CYP3A43: variants seen among roughly 807,000 people sequenced by gnomAD.
CYP3A43 encodes cytochrome P450 3A43.
A neutral mutation model predicts 58.0 loss-of-function variants in CYP3A43; 45 were observed. That is an observed-to-expected ratio of 0.78 (90% CI 0.61 to 0.99). The LOEUF (loss-of-function observed/expected upper bound fraction) is 0.99, where lower values mean the gene tolerates loss of function less well. CYP3A43 is among the 50% of genes least tolerant of loss of function. The pLI, the probability that CYP3A43 is intolerant of heterozygous loss-of-function variation, is 0.00. For missense variants in CYP3A43, 593 were observed against 591.9 expected (o/e 1.00, Z -0.02); for synonymous variants, 191 against 201.4 (o/e 0.95, Z 0.44).
At chr7:99,830,911 C>T (rs888015224) in intron 1 of CYP3A43, among the ~76,000 whole-genome samples, 1 of 152,152 alleles carries the variant, frequency 6.6e-6, no homozygotes, top group Non-Finnish European at 1.5e-5. Flanking sequence ...TACACAGATC[C>T]GTTGAAGAAG....
At chr7:99,849,458 G>C in intron 6 of CYP3A43, 88 bp from the exon 7 acceptor site, 5 of 1,456,632 alleles carry the variant, frequency 3.4e-6, no homozygotes, top group Non-Finnish European at 4.6e-6. Flanking sequence ...CACCTGTCTT[G>C]CTCTGGCATA....
intron 7 of CYP3A43, among the ~76,000 whole-genome samples, chr7:99,854,555 C>A (rs1445479074): frequency 2.0e-5 from 3 of 152,114 alleles, no homozygotes; most frequent in Non-Finnish European, 4.4e-5. Context: ...GCTTTTAAAT[C>A]TGTATTTCAT....
intron 11 of CYP3A43, among the ~76,000 whole-genome samples, chr7:99,862,287 A>G (rs891261890): frequency 6.6e-6 from 1 of 152,168 alleles, no homozygotes; most frequent in South Asian, 2.1e-4. Flanking sequence ...TGAATTTAGC[A>G]CCACGTTTAG....
Position 99,863,568 on chromosome 7 carries a change from C to A in CYP3A43, c.1285C>A (p.Leu429Ile). The A allele has an allele frequency of 6.2e-7, 1 of 1,612,900 alleles. No individual in the cohort carries two copies. ...FSKKNKDSID[L>I]YRYIPFGAGP... is the part of the protein sequence containing the mutation. The stretch of plus-strand genomic sequence containing the variant: ...TAAGAAGAACAAGGACAGCATAGAT[C>A]TTTACAGATACATACCTTTTGGAGC... The change falls in exon 12 of 13, where the codon CTT (leucine) becomes ATT (isoleucine). Residue 429 changes from leucine (L) to isoleucine (I), a missense_variant. Transcript: ENST00000354829.
intron 3 of CYP3A43, among the ~76,000 whole-genome samples, chr7:99,843,214 AC>A (rs1817409051): frequency 1.3e-5 from 2 of 151,828 alleles, no homozygotes; most frequent in Non-Finnish European, 2.9e-5. Flanking sequence ...CTCACTACCT[AC>A]ACACTCTCCT....
At position 99,855,593 on chromosome 7, in the gene CYP3A43, C is replaced by G; in HGVS notation, c.673C>G (p.Leu225Val). 6.2e-7 allele frequency: 1 copy of G among 1,605,386 alleles called. No individual in the cohort carries two copies. The highest frequency in any genetic ancestry group is 8.5e-7 in the Non-Finnish European group (1 of 1,175,506). ...TTTTCTATTTAATTTTCCTATAGCA[C>G]TCTTTCCATTTCTTACCCCAGTTTT... is the stretch of plus-strand genomic sequence containing the variant. ...FLDPFLLLIS[L>V]FPFLTPVFEA... The change falls in exon 8 of 13, where the codon CTC (leucine) becomes GTC (valine). Residue 225 changes from leucine to valine, a missense_variant and splice_region_variant. Physicochemically the swap from Leu to Val is conservative, Grantham distance 32. Transcript: ENST00000354829.
intron 7 of CYP3A43, among the ~76,000 whole-genome samples, chr7:99,851,546 T>G (rs966239378): frequency 6.6e-6 from 1 of 152,246 alleles, no homozygotes; most frequent in Non-Finnish European, 1.5e-5. Context: ...TAATGGCTAA[T>G]AAAATTGAGC....
At chr7:99,832,314 T>TTGTTATCCC (rs1353451168) in intron 1 of CYP3A43, among the ~76,000 whole-genome samples, 140 of 151,864 alleles carry the variant, frequency 9.2e-4, no homozygotes, top group African/African-American at 3.3e-3. Flanking sequence ...TCATCTTGAA[T>TTGTTATCCC]TGTTATCCCT....
intron 1 of CYP3A43, among the ~76,000 whole-genome samples, chr7:99,829,106 G>C (rs999007493): frequency 1.3e-5 from 2 of 151,924 alleles, no homozygotes; most frequent in Admixed American, 1.3e-4. Context: ...CCTTATTTTA[G>C]TCTCATATAT....
In CYP3A43 at chr7:99,844,386, G is replaced by C. The variant is rs1415259651; in HGVS notation, c.318+144G>C. 5.4e-6 allele frequency: 4 copies of C among 742,560 alleles called. No individual in the cohort carries two copies. The African/African-American group carries it at 7.1e-5, about 13-fold the overall frequency. The allele number at this position is 742,560 out of a possible 1,614,324, so 46.0% of individuals were successfully genotyped here. A position where few individuals can be genotyped will look rare whatever the true frequency, so the allele number is the denominator to read the frequency against. ...AATGGTGATGTCTTATTTAACTGTA[G>C]ATACAGTGTATTTCTGTCACTCTAG... On this transcript the variant is annotated intron_variant, in intron 4 of 12. Transcript: ENST00000354829.
At chr7:99,840,702 C>T (rs1215944788) in intron 3 of CYP3A43, among the ~76,000 whole-genome samples, 2 of 152,108 alleles carry the variant, frequency 1.3e-5, no homozygotes, top group Admixed American at 1.3e-4. Context: ...TTTGGAAAAA[C>T]ACAGGTCGCA....
At chr7:99,845,067 CAAAA>C (rs575207725) in intron 4 of CYP3A43, among the ~76,000 whole-genome samples, 2 of 105,484 alleles carry the variant, frequency 1.9e-5, no homozygotes, top group African/African-American at 3.0e-5. Flanking sequence ...GACTCAGTCT[CAAAA>C]AAAAAAAAAA....
chr7:99,835,237 G>A (rs1817023530), intron 1 of CYP3A43, among the ~76,000 whole-genome samples: 1 of 152,182 alleles, frequency 6.6e-6, no homozygotes, highest in Non-Finnish European at 1.5e-5. Flanking sequence ...CTTACGATCT[G>A]GTTTGGTTGA....
rs558054314 is a variant in CYP3A43, at chr7:99,856,344, C to T, written c.799-489C>T. 2.6e-5 allele frequency among the ~76,000 whole-genome samples: 4 copies of T among 152,290 alleles called. No individual in the cohort carries two copies. The South Asian group carries it at 8.3e-4, about 32-fold the overall frequency. On this transcript the variant is annotated intron_variant, in intron 8 of 12. Coordinates refer to ENST00000354829, the MANE Select transcript of CYP3A43 (RefSeq NM_057095.3). Reference sequence around the variant, plus strand: ...AAGTCAGGAATGCAGGACTGGGTCCCCTAGGTGACACTGAACGTTGTATAG... The same window carrying T: ...AAGTCAGGAATGCAGGACTGGGTCCTCTAGGTGACACTGAACGTTGTATAG...
chr7:99,831,654 A>G (rs1416673686), intron 1 of CYP3A43, among the ~76,000 whole-genome samples: 3 of 152,190 alleles, frequency 2.0e-5, no homozygotes, highest in Admixed American at 6.5e-5. Flanking sequence ...CCCATCAAAG[A>G]TGAGTTGCAG....
intron 11 of CYP3A43, 116 bp from the exon 12 acceptor site, chr7:99,863,421 C>T (rs1173836348): frequency 2.7e-6 from 2 of 731,692 alleles, no homozygotes; most frequent in Non-Finnish European, 4.0e-6. Context: ...AATCCCAACA[C>T]TTTGGGAGGC....
At chr7:99,845,842 C>T (rs1389200111) in intron 4 of CYP3A43, among the ~76,000 whole-genome samples, 1 of 151,202 alleles carries the variant, frequency 6.6e-6, no homozygotes, top group Non-Finnish European at 1.5e-5. Flanking sequence ...GTGGCATGAT[C>T]TCGGCTCACT....
intron 2 of CYP3A43, among the ~76,000 whole-genome samples, chr7:99,836,811 G>C (rs1239765079): frequency 6.6e-6 from 1 of 152,118 alleles, no homozygotes; most frequent in Non-Finnish European, 1.5e-5. Flanking sequence ...CAGACTTTGC[G>C]AACCATAAAG....
intron 11 of CYP3A43, among the ~76,000 whole-genome samples, chr7:99,862,530 T>A (rs1024282124): frequency 6.6e-6 from 1 of 152,216 alleles, no homozygotes; most frequent in African/African-American, 2.4e-5. Flanking sequence ...TCACCTGCTT[T>A]CTAGACTTCT....
Sources: allele counts gnomAD v4.1 joint callset (sites outside exome capture counted in the v4.1 genomes callset), GRCh38; gene constraint gnomAD v4.1.1; transcripts MANE v1.5; gene names NCBI Gene and HGNC (gene_info 2026-07-23, HGNC 2026-07-21).